SLC16A5: variants seen among roughly 807,000 people sequenced by gnomAD.
SLC16A5 encodes solute carrier family 16 member 5, also known as monocarboxylate transporter 6.
In SLC16A5, 29 loss-of-function variants were observed where a neutral mutation model predicts 33.2. The observed-to-expected ratio is 0.87, with a 90% confidence interval of 0.65 to 1.19. The LOEUF (loss-of-function observed/expected upper bound fraction) is 1.19. Ranked by LOEUF, SLC16A5 falls within the 50% of genes most tolerant of loss-of-function variation. SLC16A5 has a pLI of 0.00. For synonymous variants in SLC16A5, 248 were observed against 284.1 expected (o/e 0.87, Z 1.28); for missense variants, 606 against 678.2 (o/e 0.89, Z 1.18).
At chr17:75,107,272 C>T (rs185454171), downstream of SLC16A5, among the ~76,000 whole-genome samples, 2 of 152,178 alleles carry the variant, frequency 1.3e-5, no homozygotes, top group South Asian at 2.1e-4. Context: ...TGCACTCCAG[C>T]CTGGGTGACA....
rs767037346 is a variant in SLC16A5, at chr17:75,104,068, G to A, written c.1252G>A (p.Ala418Thr). 5.6e-6 allele frequency: 9 copies of A among 1,614,170 alleles called. No homozygotes were observed. The highest frequency in any genetic ancestry group is 1.7e-5 in the Admixed American group (1 of 60,012). ...CCTCTTCATGGGTGGCAGCTTCTACGCCCTGCAGAAGAAGGAGCAAGGCAA... is the reference window on the plus strand; with the variant it reads ...CCTCTTCATGGGTGGCAGCTTCTACACCCTGCAGAAGAAGGAGCAAGGCAA... ...AALFMGGSFY[A>T]LQKKEQGKQA... Residue 418 changes from alanine to threonine, a missense_variant, in exon 6 of 7, where the codon GCC (alanine) becomes ACC (threonine). Physicochemically the swap from Ala to Thr is moderately conservative, Grantham distance 58 (BLOSUM62 0). Transcript: ENST00000329783.
chr17:75,103,876 A>G, intron 5 of SLC16A5, 94 bp from the exon 6 acceptor site: 9 of 1,089,926 alleles, frequency 8.3e-6, no homozygotes, highest in Non-Finnish European at 1.2e-5. Context: ...CTAGTACAGC[A>G]GAGACAAAAA....
intron 2 of SLC16A5, among the ~76,000 whole-genome samples, chr17:75,090,680 C>T (rs1042826954): frequency 2.6e-5 from 4 of 151,642 alleles, no homozygotes; most frequent in African/African-American, 9.7e-5. Flanking sequence ...AGGCTGGTCT[C>T]GAACTCCTGA....
intron 4 of SLC16A5, 44 bp from the exon 5 acceptor site, chr17:75,099,963 G>A: frequency 6.4e-7 from 1 of 1,556,776 alleles, no homozygotes; most frequent in South Asian, 1.2e-5. Flanking sequence ...GCAGGTGGAA[G>A]GCCCCAGTGC....
intron 3 of SLC16A5, among the ~76,000 whole-genome samples, chr17:75,095,628 G>A (rs1023784161): frequency 3.3e-5 from 5 of 151,456 alleles, no homozygotes; most frequent in Non-Finnish European, 2.9e-5. Flanking sequence ...CTCCCGAGTA[G>A]CTGGGACCAC....
chr17:75,106,592 T>TAAAAAA (rs1381571531), downstream of SLC16A5, among the ~76,000 whole-genome samples: 1 of 93,478 alleles, frequency 1.1e-5, no homozygotes. Context: ...GTCTTTTTTT[T>TAAAAAA]AAAAAAAAAA....
At chr17:75,099,688 C>T (rs2145047440) in intron 4 of SLC16A5, among the ~76,000 whole-genome samples, 1 of 152,344 alleles carries the variant, frequency 6.6e-6, no homozygotes, top group African/African-American at 2.4e-5. Flanking sequence ...ATCCGCCAAC[C>T]TTGGCCTCCC....
chr17:75,102,481 C>T (rs1434640730), intron 5 of SLC16A5, among the ~76,000 whole-genome samples: 1 of 152,186 alleles, frequency 6.6e-6, no homozygotes, highest in South Asian at 2.1e-4. Context: ...AACAAAGAGA[C>T]ACATCAGCAA....
chr17:75,093,486 G>A, intron 2 of SLC16A5, 103 bp from the exon 3 acceptor site: 4 of 1,536,484 alleles, frequency 2.6e-6, no homozygotes, highest in Non-Finnish European at 3.5e-6. Context: ...CTGGTACTTG[G>A]GTATGAGGAA....
rs558009156 is a variant in SLC16A5 at position 75,099,534 on chromosome 17, C to T, written c.344-473C>T. Among the ~76,000 whole-genome samples, 4 of 152,238 alleles carry T rather than the reference C, an allele frequency of 2.6e-5. No individual in the cohort carries two copies. In the East Asian group the frequency reaches 7.7e-4, roughly 29 times the overall value. On this transcript the variant is annotated intron_variant, in intron 4 of 6. Coordinates refer to ENST00000329783, the MANE Select transcript of SLC16A5 (RefSeq NM_004695.4). ...TCAGCTCACTGCAACCTCCACTTCC[C>T]GGGTTCAAGTGATTCTCCTGACTCA...
At chr17:75,098,692 T>A (rs570470923) in intron 4 of SLC16A5, among the ~76,000 whole-genome samples, 1 of 151,292 alleles carries the variant, frequency 6.6e-6, no homozygotes, top group Non-Finnish European at 1.5e-5. Context: ...GACAGGCTTT[T>A]TTTGTTTGTT....
Position 75,093,478 on chromosome 17 carries a change from G to C in SLC16A5, c.-48-111G>C, listed in dbSNP as rs1441061592. 3 of 1,536,338 alleles carry C rather than the reference G, an allele frequency of 2.0e-6. No homozygotes were observed. The South Asian group carries it at 3.6e-5, about 18-fold the overall frequency. ...GGGGTGGTGCCCCTCTGTGACACCT[G>C]GTACTTGGGTATGAGGAAGGGATGG... On this transcript the variant is annotated intron_variant, in intron 2 of 6. Coordinates refer to ENST00000329783, the MANE Select transcript of SLC16A5 (RefSeq NM_004695.4).
chr17:75,100,202 T>C lies in SLC16A5; in HGVS notation c.539T>C (p.Leu180Pro). ...TTCCTTGTCTTCGGCGGGATCTTTC[T>C]CCACTGCTGCATCTGCGGGGCCATC... Reference protein sequence around the residue: ...GTFLVFGGIFLHCCICGAIIR... With the variant: ...GTFLVFGGIFPHCCICGAIIR... Residue 180 changes from leucine (L) to proline (P), a missense_variant, in exon 5 of 7, where the codon CTC becomes CCC. Transcript: ENST00000329783. 3.1e-6 allele frequency: 5 copies of C among 1,614,224 alleles called. No individual in the cohort carries two copies. Among genetic ancestry groups the C allele is most frequent in the Non-Finnish European group, 4.2e-6 (5 of 1,180,046 alleles).
chr17:75,103,514 G>A (rs2073825733), intron 5 of SLC16A5, among the ~76,000 whole-genome samples: 1 of 150,872 alleles, frequency 6.6e-6, no homozygotes, highest in South Asian at 2.1e-4. Context: ...AGTTTTGGTA[G>A]GAACAGGGTT....
At chr17:75,090,139 G>C (rs2073618649) in intron 2 of SLC16A5, 1 of 152,008 alleles carries the variant, frequency 6.6e-6, no homozygotes, top group Non-Finnish European at 1.5e-5. Context: ...AGTAGAGACA[G>C]GGTGTCACCA....
intron 3 of SLC16A5, among the ~76,000 whole-genome samples, 184 bp downstream of exon 3, chr17:75,094,019 G>C (rs770287788): frequency 6.6e-6 from 1 of 152,238 alleles, no homozygotes; most frequent in Non-Finnish European, 1.5e-5. Context: ...GGCTGGAGCC[G>C]GGGAGAGAGT....
rs138345813 is a variant in SLC16A5 at position 75,100,731 on chromosome 17, C to T, written c.1068C>T (p.Ile356=). Residue 356 remains isoleucine (I), a synonymous_variant, in exon 5 of 7, where the codon ATC becomes ATT. Coordinates refer to ENST00000329783, the MANE Select transcript of SLC16A5 (RefSeq NM_004695.4). ...TCATCTTCCAGGTTCTCATGGACATCGTCCCCATGGATCAGTTCCCCAGAG... is the reference window on the plus strand; with the variant it reads ...TCATCTTCCAGGTTCTCATGGACATTGTCCCCATGGATCAGTTCCCCAGAG... ...GALIFQVLMD[I]VPMDQFPRAL... is the part of the protein sequence containing the mutation. 8.7e-6 allele frequency: 14 copies of T among 1,614,038 alleles called. No homozygotes were observed. Among genetic ancestry groups the T allele is most frequent in the Middle Eastern group, 1.6e-4 (1 of 6,084 alleles).
chr17:75,102,898 ATTTT>A (rs71159433), intron 5 of SLC16A5, among the ~76,000 whole-genome samples: 1 of 146,112 alleles, frequency 6.8e-6, no homozygotes, highest in Admixed American at 6.8e-5. Flanking sequence ...CGCCCGGCTA[ATTTT>A]TTTTTTTGAG....
At chr17:75,097,435 G>T (rs1375894223) in intron 3 of SLC16A5, among the ~76,000 whole-genome samples, 1 of 151,906 alleles carries the variant, frequency 6.6e-6, no homozygotes. Flanking sequence ...TGCTGGAGGT[G>T]GTGTGGGAGG....
Sources: allele counts gnomAD v4.1 joint callset (sites outside exome capture counted in the v4.1 genomes callset), GRCh38; gene constraint gnomAD v4.1.1; transcripts MANE v1.5; gene names NCBI Gene and HGNC (gene_info 2026-07-23, HGNC 2026-07-21).